The following WARS2 variants were observed in gnomAD, a reference collection of about 807,000 sequenced individuals.
WARS2 encodes the protein tryptophan--tRNA ligase, mitochondrial.
Under a neutral mutation model 36.5 loss-of-function variants are expected in WARS2, and 28 were observed. That is an observed-to-expected ratio of 0.77 (90% CI 0.57 to 1.05). The LOEUF (loss-of-function observed/expected upper bound fraction) is 1.05. Among genes scored for constraint, WARS2 ranks in the 50% least tolerant of loss-of-function variants. The probability of loss-of-function intolerance (pLI) is 0.00; values close to 1 mark genes in which losing one functional copy is unlikely to be tolerated. For missense variants in WARS2, 435 were observed against 456.8 expected, an observed-to-expected ratio of 0.95 and a Z score of 0.44; for synonymous variants, 174 against 178.4, an observed-to-expected ratio of 0.98 and a Z score of 0.20.
intron 2 of WARS2, among the ~76,000 whole-genome samples, chr1:119,066,789 A>G (rs922996459): frequency 2.0e-5 from 3 of 152,194 alleles, no homozygotes. Flanking sequence ...TGTTGGTGGT[A>G]ATGTAAGTTA....
At chr1:119,135,172 T>G (rs1656397027) in intron 1 of WARS2, among the ~76,000 whole-genome samples, 4 of 152,204 alleles carry the variant, frequency 2.6e-5, no homozygotes, top group African/African-American at 9.6e-5. Context: ...TCCTTAAAAA[T>G]AATCCATCCA....
At chr1:119,126,876 G>A (rs924299775) in intron 1 of WARS2, 12 of 810,146 alleles carry the variant, frequency 1.5e-5, no homozygotes, top group Non-Finnish European at 2.1e-5. Flanking sequence ...AGCATAAGAG[G>A]TCTTCCGTAC....
chr1:119,132,443 G>A (rs1656182001), intron 1 of WARS2, among the ~76,000 whole-genome samples: 1 of 152,022 alleles, frequency 6.6e-6, no homozygotes, highest in Non-Finnish European at 1.5e-5. Context: ...ATCTCCCTTG[G>A]GACTCCAACT....
At chr1:119,035,342 A>C (rs988377341) in intron 4 of WARS2, among the ~76,000 whole-genome samples, 1 of 152,134 alleles carries the variant, frequency 6.6e-6, no homozygotes, top group African/African-American at 2.4e-5. Flanking sequence ...CTCCTGTGAA[A>C]AAAGCAGCGA....
chr1:119,133,842 TA>T (rs1317002254), intron 1 of WARS2, among the ~76,000 whole-genome samples: 2 of 151,708 alleles, frequency 1.3e-5, no homozygotes, highest in Admixed American at 6.6e-5. Context: ...CAAAACTGGT[TA>T]AAAAAAATGG....
At chr1:119,099,680 T>C (rs1653719582) in intron 1 of WARS2, among the ~76,000 whole-genome samples, 1 of 152,214 alleles carries the variant, frequency 6.6e-6, no homozygotes, top group Non-Finnish European at 1.5e-5. Context: ...AAATTTGGAA[T>C]AGGCACAAAC....
chr1:119,074,060 A>G (rs587698420), intron 2 of WARS2, among the ~76,000 whole-genome samples: 31 of 152,368 alleles, frequency 2.0e-4, no homozygotes, highest in Non-Finnish European at 4.0e-4. Flanking sequence ...TAGAAATAGT[A>G]TCAGCTAAGG....
chr1:119,102,712 T>C (rs1653960964), intron 1 of WARS2, among the ~76,000 whole-genome samples: 1 of 152,212 alleles, frequency 6.6e-6, no homozygotes, highest in African/African-American at 2.4e-5. Context: ...TAACTCTCTA[T>C]AAGCTACCCC....
intron 1 of WARS2, among the ~76,000 whole-genome samples, chr1:119,083,747 TTGTCTTAGA>T (rs1210764028): frequency 2.0e-5 from 3 of 152,196 alleles, no homozygotes; most frequent in Admixed American, 2.0e-4. Flanking sequence ...AAGTCTTTTT[TTGTCTTAGA>T]TGCTTAAAAC....
At chr1:119,087,102 G>A (rs1015816843) in intron 1 of WARS2, among the ~76,000 whole-genome samples, 1 of 152,122 alleles carries the variant, frequency 6.6e-6, no homozygotes, top group African/African-American at 2.4e-5. Context: ...TCACTCAGAA[G>A]AACAGATGCC....
At chr1:119,050,396 T>C (rs1356259482) in intron 2 of WARS2, among the ~76,000 whole-genome samples, 1 of 152,230 alleles carries the variant, frequency 6.6e-6, no homozygotes, top group Non-Finnish European at 1.5e-5. Context: ...CCTTCTAATA[T>C]ACTTTATGTT....
intron 2 of WARS2, among the ~76,000 whole-genome samples, chr1:119,052,667 TTGTGCTTG>T: frequency 1.3e-5 from 2 of 152,300 alleles, no homozygotes; most frequent in African/African-American, 4.8e-5. Context: ...CTATTGCTTA[TTGTGCTTG>T]TGTGTGTGTT....
At chr1:119,122,549 C>T (rs929601563) in intron 1 of WARS2, among the ~76,000 whole-genome samples, 1 of 152,040 alleles carries the variant, frequency 6.6e-6, no homozygotes, top group African/African-American at 2.4e-5. Context: ...TGGGTATTTG[C>T]CCAGAGGAAA....
At chr1:119,103,308 G>A (rs1018118551) in intron 1 of WARS2, among the ~76,000 whole-genome samples, 17 of 151,976 alleles carry the variant, frequency 1.1e-4, no homozygotes, top group Non-Finnish European at 2.2e-4. Flanking sequence ...TCCTCAACTT[G>A]CTCTTCCCTC....
intron 2 of WARS2, among the ~76,000 whole-genome samples, chr1:119,070,769 GT>G (rs1327888187): frequency 6.6e-6 from 1 of 151,732 alleles, no homozygotes; most frequent in Non-Finnish European, 1.5e-5. Flanking sequence ...AAATAAAATA[GT>G]TTCCTAATAA....
intron 2 of WARS2, among the ~76,000 whole-genome samples, chr1:119,048,001 A>G (rs765085360): frequency 3.3e-5 from 5 of 152,230 alleles, no homozygotes; most frequent in Non-Finnish European, 7.3e-5. Flanking sequence ...CCTGAGACAT[A>G]CAATGTACCT....
At position 119,034,082 on chromosome 1, in the gene WARS2, G is replaced by C; in HGVS notation, c.634+13C>G. ...ATATACCCTGATGTAACAATTATAA[G>C]TTTCTTACTTACTGAGAATGGACTC... On this transcript the variant is annotated intron_variant, in intron 5 of 5. Coordinates refer to ENST00000235521, the MANE Select transcript of WARS2 (RefSeq NM_015836.4). 1 of 1,603,060 alleles carries C rather than the reference G, an allele frequency of 6.2e-7. No homozygotes were observed. The highest frequency in any genetic ancestry group is 8.5e-7 in the Non-Finnish European group (1 of 1,170,250).
At chr1:119,068,148 C>G (rs928741002) in intron 2 of WARS2, among the ~76,000 whole-genome samples, 68 of 152,306 alleles carry the variant, frequency 4.5e-4, no homozygotes, top group Admixed American at 3.9e-4. Context: ...GACGTTTGCT[C>G]CCTTTCCATT....
chr1:119,097,946 C>A (rs1475966153), intron 1 of WARS2, among the ~76,000 whole-genome samples: 4 of 152,116 alleles, frequency 2.6e-5, no homozygotes, highest in Non-Finnish European at 5.9e-5. Flanking sequence ...GACTGCCTAT[C>A]CCAGCTGGCC....
Sources: gnomAD v4.1 joint callset for allele counts (sites outside exome capture counted in the v4.1 genomes callset) on GRCh38, gnomAD v4.1.1 for gene constraint, MANE v1.5 for transcripts, NCBI Gene and HGNC (gene_info 2026-07-23, HGNC 2026-07-21) for gene names.